The following MYH13 variants were observed in gnomAD, a reference collection of about 807,000 sequenced individuals.
MYH13 encodes the protein myosin-13.
Under a neutral mutation model 232.1 loss-of-function variants are expected in MYH13, and 177 were observed. The observed-to-expected ratio is 0.76, with a 90% CI of 0.67 to 0.86. MYH13 has a LOEUF of 0.86. MYH13 is among the 40% of genes least tolerant of loss of function. The pLI, the probability that MYH13 is intolerant of heterozygous loss-of-function variation, is 0.00. For synonymous variants in MYH13, 884 were observed against 923.5 expected (o/e 0.96, Z 0.78); for missense variants, 2,246 against 2,405.9 (o/e 0.93, Z 1.39).
At position 10,304,615 on chromosome 17, in the gene MYH13, AAGCACTCTCC is replaced by A. The variant is rs1906214737; in HGVS notation, c.5467-1127_5467-1118del. ...AGAGAACCTGGGCCAGGAGTAGTCA[AAGCACTCTCC>A]AGGCCCACTTGATAGACCCAAAGCA... On this transcript the variant is annotated intron_variant, in intron 37 of 40. Transcript: ENST00000252172. This position sits in a 1 kb window ranked among gnomAD's most constrained non-coding sequence, Gnocchi z 5.3. 2.0e-5 allele frequency among the ~76,000 whole-genome samples: 3 copies of A among 152,228 alleles called. 1 individual carries two copies. The South Asian group carries it at 6.2e-4, about 31-fold the overall frequency.
chr17:10,348,269 A>G (rs944984403), intron 12 of MYH13, among the ~76,000 whole-genome samples: 1 of 152,196 alleles, frequency 6.6e-6, no homozygotes, highest in Admixed American at 6.5e-5. Flanking sequence ...TCAGACAGGC[A>G]CCAAGTCCTG....
chr17:10,359,811 C>T (rs1404325109), intron 7 of MYH13, 149 bp downstream of exon 7: 21 of 683,200 alleles, frequency 3.1e-5, no homozygotes, highest in South Asian at 2.2e-4. Flanking sequence ...ATGGCAGACA[C>T]GTTCTGTGTG....
intron 2 of MYH13, among the ~76,000 whole-genome samples, chr17:10,364,993 C>T (rs2071823254): frequency 2.0e-5 from 3 of 152,110 alleles, no homozygotes; most frequent in Non-Finnish European, 4.4e-5. Flanking sequence ...CCTCCCTCCC[C>T]TCCTGAGTAG....
chr17:10,305,566 C>G (rs2142215948), intron 37 of MYH13, among the ~76,000 whole-genome samples: 2 of 152,256 alleles, frequency 1.3e-5, no homozygotes, highest in Middle Eastern at 3.4e-3. Context: ...GAAAAGTTGT[C>G]TCCTTCTCTT....
At chr17:10,331,779 C>T (rs9909713) in intron 20 of MYH13, among the ~76,000 whole-genome samples, 2,112 of 152,222 alleles carry the variant, frequency 0.014, 49 homozygotes, top group African/African-American at 0.048. Context: ...CTCCTCAAGG[C>T]CTCAGTGTCC....
intron 6 of MYH13, 23 bp downstream of exon 6, chr17:10,360,138 T>C: frequency 6.2e-7 from 1 of 1,614,148 alleles, no homozygotes; most frequent in Non-Finnish European, 8.5e-7. Context: ...CAAGTCATGA[T>C]GGTACAAAGA....
chr17:10,312,540 G>A (rs1333786734), intron 31 of MYH13, 34 bp downstream of exon 31: 2 of 1,589,440 alleles, frequency 1.3e-6, no homozygotes, highest in East Asian at 2.3e-5. Flanking sequence ...TTATCCTCAT[G>A]CCATCTTCAC....
intron 11 of MYH13, among the ~76,000 whole-genome samples, chr17:10,353,214 A>G (rs1405402232): frequency 6.6e-6 from 1 of 152,206 alleles, no homozygotes; most frequent in Non-Finnish European, 1.5e-5. Context: ...GAGCCTCTCC[A>G]GGTGCTGAGT....
rs779755705 is a variant in MYH13, at chr17:10,321,548, T to G, written c.3095A>C (p.Glu1032Ala). 1 of 1,612,312 alleles carries G rather than the reference T, an allele frequency of 6.2e-7. No homozygotes were observed. The highest frequency in any genetic ancestry group is 1.1e-5 in the South Asian group (1 of 90,348). ...NGLIKINAKL[E>A]QQTDDLEGSL... Reference sequence around the variant, plus strand: ...TATCCTCACATCATCTGTTTGCTGTTCAAGCTTGGCATTTATTTTGATTAG... The same window carrying G: ...TATCCTCACATCATCTGTTTGCTGTGCAAGCTTGGCATTTATTTTGATTAG... Residue 1032 changes from glutamate to alanine, a missense_variant, in exon 24 of 41, where the codon GAA becomes GCA. Coordinates refer to ENST00000252172, the MANE Select transcript of MYH13 (RefSeq NM_003802.3).
chr17:10,303,963 C>T (rs532484631), intron 37 of MYH13, among the ~76,000 whole-genome samples: 1 of 152,226 alleles, frequency 6.6e-6, no homozygotes, highest in African/African-American at 2.4e-5. Flanking sequence ...GAGTTCATGT[C>T]CTTTTCAGGG....
intron 1 of MYH13, 93 bp downstream of exon 1, chr17:10,372,886 G>C (rs1028921568): frequency 6.6e-6 from 1 of 152,090 alleles, no homozygotes; most frequent in African/African-American, 2.4e-5. Context: ...CTCCGTAAAG[G>C]CTACTTTATT....
chr17:10,326,857 C>T (rs1049265448), intron 22 of MYH13, among the ~76,000 whole-genome samples: 18 of 144,038 alleles, frequency 1.2e-4, no homozygotes, highest in African/African-American at 4.3e-4. Context: ...ACTGTGTTGC[C>T]CAGGCTGGAG....
intron 23 of MYH13, among the ~76,000 whole-genome samples, chr17:10,323,650 T>G (rs1258078238): frequency 6.6e-6 from 1 of 150,432 alleles, no homozygotes; most frequent in African/African-American, 2.4e-5. Flanking sequence ...TCCCAGCTAC[T>G]TGGGAGGCTG....
At chr17:10,324,651 G>A (rs1384230653) in intron 22 of MYH13, among the ~76,000 whole-genome samples, 1 of 151,140 alleles carries the variant, frequency 6.6e-6, no homozygotes, top group Non-Finnish European at 1.5e-5. Context: ...TCACCATGTT[G>A]GCCAGGCTGG....
chr17:10,364,824 A>C (rs1165421099), intron 2 of MYH13, among the ~76,000 whole-genome samples: 1 of 151,978 alleles, frequency 6.6e-6, no homozygotes, highest in East Asian at 1.9e-4. Flanking sequence ...TGCATGTCTG[A>C]ATCAATTAGA....
intron 18 of MYH13, among the ~76,000 whole-genome samples, chr17:10,338,689 G>GTTTTTTTTTTTTTTTTTTTTTTTTT (rs757791680): frequency 4.6e-5 from 5 of 108,816 alleles, no homozygotes; most frequent in Non-Finnish European, 7.5e-5. Context: ...TTTTATCCTT[G>GTTTTTTTTTTTTTTTTTTTTTTTTT]TTTTTTTTTT....
rs1253034436 is a variant in MYH13, at chr17:10,333,285, T to C, written c.2057-94A>G. ...TGAGACCCTCCAACACATCCACACT[T>C]GAGTGGGAGAGTCAGTGAGTGGGAG... On this transcript the variant is annotated intron_variant, in intron 18 of 40. Transcript: ENST00000252172. 5 of 858,964 alleles carry C rather than the reference T, an allele frequency of 5.8e-6. No individual in the cohort carries two copies. The East Asian group carries it at 8.0e-5, about 14-fold the overall frequency. The allele number at this position is 858,964 out of a possible 1,614,324, so 53.2% of individuals were successfully genotyped here.
intron 27 of MYH13, chr17:10,317,992 A>G (rs1425299658): frequency 6.6e-6 from 1 of 152,282 alleles, no homozygotes; most frequent in Non-Finnish European, 1.5e-5. Context: ...CTGTAATCCC[A>G]GCACTTTGGG....
Position 10,312,754 on chromosome 17 carries a change from T to G in MYH13, c.4185A>C (p.Lys1395Asn). ...QRTEELEEAK[K>N]KLAQRLQEAE... is the part of the protein sequence containing the mutation. ...CTTCCTGGAGCCTCTGGGCCAGTTT[T>G]TTCCTACGAAAACCAGATTTTTTTT... Residue 1395 changes from lysine (K) to asparagine (N), a missense_variant, in exon 31 of 41, where the codon AAA becomes AAC. By Grantham distance (94) the Lys-to-Asn change is moderately conservative (BLOSUM62 0). Transcript: ENST00000252172. 1 of 1,605,082 alleles carries G rather than the reference T, an allele frequency of 6.2e-7. No individual in the cohort carries two copies.
Sources: gnomAD v4.1 joint callset for allele counts (sites outside exome capture counted in the v4.1 genomes callset) on GRCh38, gnomAD v4.1.1 for gene constraint, Gnocchi (gnomAD v3.1) non-coding constraint, MANE v1.5 for transcripts, NCBI Gene and HGNC (gene_info 2026-07-23, HGNC 2026-07-21) for gene names.